The following WWOX variants were observed in gnomAD, a reference collection of about 807,000 sequenced individuals.
WWOX encodes the protein WW domain-containing oxidoreductase.
A neutral mutation model predicts 46.2 loss-of-function variants in WWOX; 69 were observed. The ratio of observed to expected loss-of-function variants is 1.49; its 90% CI spans 1.23 to 1.82. The LOEUF is 1.82. WWOX is among the 40% of genes most tolerant of loss of function. The pLI, the probability that WWOX is intolerant of heterozygous loss-of-function variation, is 0.00. For synonymous variants in WWOX, 359 were observed against 202.6 expected (o/e 1.77, Z -6.56); for missense variants, 919 against 542.6 (o/e 1.69, Z -6.89).
chr16:79,064,075 A>G (rs566015691), intron 8 of WWOX, among the ~76,000 whole-genome samples: 1 of 152,238 alleles, frequency 6.6e-6, no homozygotes, highest in Non-Finnish European at 1.5e-5. Context: ...TCAACAAGGC[A>G]CTACAGCAAC....
intron 8 of WWOX, among the ~76,000 whole-genome samples, chr16:78,439,485 C>T (rs558981937): frequency 2.6e-5 from 4 of 152,150 alleles, no homozygotes; most frequent in Non-Finnish European, 5.9e-5. Flanking sequence ...AGTAGTCTTA[C>T]GTCATTATGT....
intron 8 of WWOX, among the ~76,000 whole-genome samples, chr16:78,527,046 C>T (rs1019500004): frequency 2.6e-5 from 4 of 152,138 alleles, no homozygotes; most frequent in Non-Finnish European, 4.4e-5. Context: ...CACCTGTAAT[C>T]CCTGCTACAC....
chr16:78,129,639 A>G (rs1048655947), intron 4 of WWOX, among the ~76,000 whole-genome samples: 4 of 151,976 alleles, frequency 2.6e-5, no homozygotes, highest in Non-Finnish European at 5.9e-5. Flanking sequence ...GGTGGCCTGG[A>G]GCCTGGATCT....
chr16:78,598,852 C>T (rs533139332), intron 8 of WWOX, among the ~76,000 whole-genome samples: 1 of 152,098 alleles, frequency 6.6e-6, no homozygotes, highest in Non-Finnish European at 1.5e-5. Flanking sequence ...AAATAGATAG[C>T]TTTTAGTGAG....
intron 5 of WWOX, among the ~76,000 whole-genome samples, chr16:78,314,129 G>A (rs1030381466): frequency 6.6e-6 from 1 of 152,042 alleles, no homozygotes; most frequent in Non-Finnish European, 1.5e-5. Context: ...AGGAGAGGCC[G>A]GGCACGATGG....
At chr16:78,779,069 T>C (rs533135085) in intron 8 of WWOX, among the ~76,000 whole-genome samples, 6 of 151,202 alleles carry the variant, frequency 4.0e-5, no homozygotes, top group African/African-American at 1.5e-4. Flanking sequence ...AAGGGATTCA[T>C]AGAGATCACT....
chr16:78,655,071 C>T (rs1346610833), intron 8 of WWOX, among the ~76,000 whole-genome samples: 2 of 152,132 alleles, frequency 1.3e-5, no homozygotes, highest in African/African-American at 2.4e-5. Flanking sequence ...CTGTGACCTT[C>T]TCACCTGGCC....
At position 78,200,419 on chromosome 16, in the gene WWOX, A is replaced by T. The variant is rs938203941; in HGVS notation, c.516+36130A>T. On this transcript the variant is annotated intron_variant, in intron 5 of 8. Transcript: ENST00000566780. ...AAAAGAGAGAAAAGGAATAAAAAAA[A>T]GTTTGGTTTAGATGTCTGATTTCTC... Among the ~76,000 whole-genome samples the T allele has an allele frequency of 2.0e-5, 3 of 151,112 alleles. No individual in the cohort carries two copies. In the Admixed American group the frequency reaches 2.0e-4, roughly 10 times the overall value.
In WWOX at chr16:78,533,874, G is replaced by C. The variant is rs572334608; in HGVS notation, c.1056+101122G>C. On this transcript the variant is annotated intron_variant, in intron 8 of 8. Transcript: ENST00000566780. ...GTTTCCATCTCTATCATCTCTGTGAGCCCTTTGAGGATGGATGTGTGTCCA... is the reference window on the plus strand; with the variant it reads ...GTTTCCATCTCTATCATCTCTGTGACCCCTTTGAGGATGGATGTGTGTCCA... Among the ~76,000 whole-genome samples, 15 of 152,220 alleles carry C rather than the reference G, an allele frequency of 9.9e-5. No individual in the cohort carries two copies. In the East Asian group the frequency reaches 2.9e-3, roughly 29 times the overall value.
chr16:78,729,744 T>G (rs929848470), intron 8 of WWOX, among the ~76,000 whole-genome samples: 1 of 152,172 alleles, frequency 6.6e-6, no homozygotes, highest in African/African-American at 2.4e-5. Context: ...CATAGCAAAC[T>G]AATGCAAATG....
At chr16:78,839,448 C>T (rs879814944) in intron 8 of WWOX, among the ~76,000 whole-genome samples, 3 of 152,174 alleles carry the variant, frequency 2.0e-5, no homozygotes, top group Non-Finnish European at 4.4e-5. Flanking sequence ...GATCCCCTTT[C>T]TAGGAACCCA....
At chr16:78,481,698 C>T (rs895499990) in intron 8 of WWOX, among the ~76,000 whole-genome samples, 1 of 147,206 alleles carries the variant, frequency 6.8e-6, no homozygotes, top group Admixed American at 6.8e-5. Context: ...TTCAAGAATG[C>T]TATGACTTTT....
At chr16:78,193,924 C>G (rs1375453102) in intron 5 of WWOX, among the ~76,000 whole-genome samples, 1 of 151,318 alleles carries the variant, frequency 6.6e-6, no homozygotes, top group Non-Finnish European at 1.5e-5. Flanking sequence ...GTCGCCCAGG[C>G]TGGAGTGCAG....
intron 8 of WWOX, among the ~76,000 whole-genome samples, chr16:78,469,256 T>C (rs573823514): frequency 6.6e-6 from 1 of 152,334 alleles, no homozygotes; most frequent in African/African-American, 2.4e-5. Context: ...TATCCACCTG[T>C]AAAATATTTA....
At chr16:78,714,897 G>C (rs1377455110) in intron 8 of WWOX, among the ~76,000 whole-genome samples, 2 of 152,198 alleles carry the variant, frequency 1.3e-5, no homozygotes, top group South Asian at 2.1e-4. Context: ...ATGATATGGT[G>C]TGATATATGA....
intron 5 of WWOX, among the ~76,000 whole-genome samples, chr16:78,353,147 C>G (rs2081217159): frequency 2.0e-5 from 3 of 152,176 alleles, no homozygotes; most frequent in African/African-American, 7.2e-5. Context: ...GCTAACTATG[C>G]ATTCCTTTTT....
chr16:78,990,783 G>T (rs1597246124), intron 8 of WWOX, among the ~76,000 whole-genome samples: 1 of 152,180 alleles, frequency 6.6e-6, no homozygotes, highest in Non-Finnish European at 1.5e-5. Context: ...GACCTGCCAG[G>T]ATCCCTCTGC....
chr16:78,570,404 G>T (rs1293372124), intron 8 of WWOX, among the ~76,000 whole-genome samples: 1 of 152,152 alleles, frequency 6.6e-6, no homozygotes, highest in East Asian at 1.9e-4. Context: ...GGTCTCCTGG[G>T]CTGAAGCGAT....
chr16:78,660,713 T>C (rs1211543652), intron 8 of WWOX, among the ~76,000 whole-genome samples: 1 of 152,132 alleles, frequency 6.6e-6, no homozygotes, highest in Non-Finnish European at 1.5e-5. Context: ...TTCCCAGACC[T>C]CTCTCCAAAA....
Sources: allele counts gnomAD v4.1 joint callset (sites outside exome capture counted in the v4.1 genomes callset), GRCh38; gene constraint gnomAD v4.1.1; transcripts MANE v1.5; gene names NCBI Gene and HGNC (gene_info 2026-07-23, HGNC 2026-07-21).